The following BARD1 variants were observed in gnomAD, a reference collection of about 807,000 sequenced individuals.
BARD1 encodes the protein BRCA1 associated RING domain 1.
A neutral mutation model predicts 77.0 loss-of-function variants in BARD1; 73 were observed. That is an observed-to-expected ratio of 0.95 (90% CI 0.79 to 1.15). The LOEUF (loss-of-function observed/expected upper bound fraction) is 1.15. Among genes scored for constraint, BARD1 ranks in the 50% most tolerant of loss-of-function variants. The pLI is 0.00. For synonymous variants in BARD1, 384 were observed against 338.0 expected, an observed-to-expected ratio of 1.14 and a Z score of -1.49; for missense variants, 993 against 938.8, an observed-to-expected ratio of 1.06 and a Z score of -0.75.
intron 2 of BARD1, among the ~76,000 whole-genome samples, chr2:214,794,784 AG>A (rs1283476185): frequency 7.2e-5 from 11 of 152,238 alleles, no homozygotes; most frequent in Non-Finnish European, 1.2e-4. Context: ...ATTGCTGAGC[AG>A]TTTTAACTCA....
At chr2:214,729,058 C>CA in intron 10 of BARD1, 50 bp from the exon 11 acceptor site, 1 of 1,535,300 alleles carries the variant, frequency 6.5e-7, no homozygotes, top group South Asian at 1.1e-5. Context: ...ATACTGTATT[C>CA]AAAAACACTG....
At chr2:214,741,186 C>A (rs1308080962) in intron 9 of BARD1, among the ~76,000 whole-genome samples, 1 of 152,066 alleles carries the variant, frequency 6.6e-6, no homozygotes, top group Non-Finnish European at 1.5e-5. Flanking sequence ...TGGCACATTC[C>A]TTCAGTAATT....
chr2:214,745,830 C>A lies in BARD1; in HGVS notation c.1702G>T (p.Gly568Ter). The change falls in exon 8 of 11, where the codon GGA becomes TGA. Residue 568 changes from glycine to a stop codon, truncating the protein, a stop_gained. Transcript: ENST00000260947. LOFTEE classifies it high-confidence loss of function. ...SVMNTGQRRD[G>*]PLVLIGSGLS... The stretch of plus-strand genomic sequence containing the variant: ...CCACTGCCTATAAGTACAAGAGGTC[C>A]ATCCCTACGCTGCCCAGTGTTCATC... 6.2e-7 allele frequency: 1 copy of A among 1,614,032 alleles called. No individual in the cohort carries two copies. Among genetic ancestry groups the A allele is most frequent in the Non-Finnish European group, 8.5e-7 (1 of 1,179,976 alleles).
At chr2:214,788,642 C>G (rs1393637200) in intron 3 of BARD1, among the ~76,000 whole-genome samples, 1 of 152,006 alleles carries the variant, frequency 6.6e-6, no homozygotes, top group Non-Finnish European at 1.5e-5. Context: ...GTTCACCATT[C>G]CACTTAATTC....
chr2:214,769,322 TG>T lies in BARD1; in HGVS notation c.1315-11del, dbSNP rs1064795946. On this transcript the variant is annotated splice_polypyrimidine_tract_variant and intron_variant, in intron 4 of 10. Transcript: ENST00000260947. ...CAGAAGGTATGTCGCCCTAGAAAAA[TG>T]AACAAAACGGAAATTAAAAAGCATT... The T allele has an allele frequency of 8.1e-6, 13 of 1,603,388 alleles. No homozygotes were observed. Among genetic ancestry groups the T allele is most frequent in the Middle Eastern group, 1.6e-4 (1 of 6,070 alleles).
rs1693500175 is a variant in BARD1 at position 214,752,470 on chromosome 2, A to G, written c.1654T>C (p.Ser552Pro). ...ACTACTGAGCAGTGGCTAGCTGAGG[A>G]TGATTCATTCTTCTCTGGTAGCAGC... is the stretch of plus-strand genomic sequence containing the variant. ...LLLLPEKNES[S>P]SASHCSVMNT... The change falls in exon 7 of 11, where the codon TCC becomes CCC. Residue 552 changes from serine (S) to proline (P), a missense_variant. Ser to Pro is a moderately conservative substitution (Grantham distance 74). Transcript: ENST00000260947. 6.2e-7 allele frequency: 1 copy of G among 1,613,226 alleles called. No homozygotes were observed. The highest frequency in any genetic ancestry group is 8.5e-7 in the Non-Finnish European group (1 of 1,179,306).
chr2:214,744,106 A>C (rs752775347), intron 9 of BARD1, among the ~76,000 whole-genome samples: 1 of 152,210 alleles, frequency 6.6e-6, no homozygotes, highest in African/African-American at 2.4e-5. Context: ...AGTAGAAAAT[A>C]ATCGTGTATG....
intron 9 of BARD1, among the ~76,000 whole-genome samples, chr2:214,735,112 A>G (rs1303064802): frequency 6.6e-6 from 1 of 152,202 alleles, no homozygotes; most frequent in Non-Finnish European, 1.5e-5. Context: ...GATTAAACTT[A>G]GGGCCAGCAG....
intron 5 of BARD1, among the ~76,000 whole-genome samples, chr2:214,768,084 T>C (rs6715891): frequency 0.37 from 56,502 of 152,050 alleles, 10,630 homozygotes; most frequent in Middle Eastern, 0.44. Flanking sequence ...GCTTTTAAGA[T>C]AAGCTATTTG....
intron 4 of BARD1, among the ~76,000 whole-genome samples, chr2:214,779,283 C>CA (rs1366778362): frequency 6.6e-6 from 1 of 152,130 alleles, no homozygotes; most frequent in Non-Finnish European, 1.5e-5. Flanking sequence ...GATGTATTTG[C>CA]AAATAACCTA....
Position 214,726,184 on chromosome 2 carries a change from T to A in BARD1, c.*2492A>T, listed in dbSNP as rs1290696756. ...CCTTATTTCAATCATAATGCTAATA[T>A]ACTTCCCATCTGGTTTCTATTTTTC... On this transcript the variant is annotated 3_prime_UTR_variant, in exon 11 of 11. Coordinates refer to ENST00000260947, the MANE Select transcript of BARD1 (RefSeq NM_000465.4). 1.4e-5 allele frequency: 3 copies of A among 212,992 alleles called. No individual in the cohort carries two copies. The highest frequency in any genetic ancestry group is 2.8e-5 in the Non-Finnish European group (3 of 105,436). The allele number at this position is 212,992 out of a possible 1,614,324, so 13.2% of individuals were successfully genotyped here.
chr2:214,748,192 A>T (rs1366151559), intron 7 of BARD1, among the ~76,000 whole-genome samples: 3 of 152,186 alleles, frequency 2.0e-5, no homozygotes, highest in African/African-American at 7.2e-5. Flanking sequence ...ACTTTTAAAA[A>T]TTTGCATAAA....
chr2:214,748,242 C>T (rs1398307288), intron 7 of BARD1, among the ~76,000 whole-genome samples: 1 of 152,058 alleles, frequency 6.6e-6, no homozygotes, highest in East Asian at 1.9e-4. Flanking sequence ...TTAAAGAGTG[C>T]TATAATAAAA....
intron 1 of BARD1, among the ~76,000 whole-genome samples, chr2:214,808,287 C>T (rs936124455): frequency 1.3e-5 from 2 of 152,140 alleles, no homozygotes; most frequent in Admixed American, 6.5e-5. Context: ...CGGGCGCCTG[C>T]AGTCCCAGCT....
In BARD1 at chr2:214,769,239, G is replaced by A. The variant is rs957472472; in HGVS notation, c.1388C>T (p.Thr463Ile). Residue 463 changes from threonine (T) to isoleucine (I), a missense_variant, in exon 5 of 11, where the codon ACA (threonine) becomes ATA (isoleucine). By Grantham distance (89) the Thr-to-Ile change is moderately conservative (BLOSUM62 -1). Coordinates refer to ENST00000260947, the MANE Select transcript of BARD1 (RefSeq NM_000465.4). ...TAAAAACCAGACAACTACCAATGGT[G>A]TCCATCCAGCATGGTCTTTAACATT... ...DPNVKDHAGWTPLHEACNHGH... is the reference protein window; with the variant it reads ...DPNVKDHAGWIPLHEACNHGH... 13 of 1,611,062 alleles carry A rather than the reference G, an allele frequency of 8.1e-6. No individual in the cohort carries two copies. The highest frequency in any genetic ancestry group is 1.0e-5 in the Non-Finnish European group (12 of 1,177,270).
chr2:214,806,889 A>AC (rs1248424628), intron 1 of BARD1, among the ~76,000 whole-genome samples: 5 of 151,348 alleles, frequency 3.3e-5, no homozygotes, highest in African/African-American at 1.2e-4. Flanking sequence ...AAAAAAAAAA[A>AC]AAAGGCACCC....
chr2:214,751,101 GTGTGTGTGTGTGTGTGTATA>G lies in BARD1; in HGVS notation c.1677+1326_1677+1345del, dbSNP rs1244505471. On this transcript the variant is annotated intron_variant, in intron 7 of 10. Transcript: ENST00000260947. ...ATTCTGTGTGTGTGTGTGTGTGTGT[GTGTGTGTGTGTGTGTGTATA>G]TATATATATATATATATATATATAT... is the stretch of plus-strand genomic sequence containing the variant. 3.1e-3 allele frequency among the ~76,000 whole-genome samples: 180 copies of G among 57,734 alleles called. 16 individuals carry two copies. Among genetic ancestry groups the G allele is most frequent in the African/African-American group, 0.011 (157 of 13,850 alleles). 37.9% of individuals were successfully genotyped at this position (57,734 alleles called of 152,430 possible).
At chr2:214,804,639 G>C (rs137890437) in intron 1 of BARD1, among the ~76,000 whole-genome samples, 69 of 152,260 alleles carry the variant, frequency 4.5e-4, no homozygotes, top group African/African-American at 1.6e-3. Context: ...TCATTTTATA[G>C]ATGAGGAACC....
In BARD1 at chr2:214,726,754, C is replaced by T. The variant is rs1339559404; in HGVS notation, c.*1922G>A. On this transcript the variant is annotated 3_prime_UTR_variant, in exon 11 of 11. Transcript: ENST00000260947. ...AAAGTACAATCACAAGTTTCAAGAG[C>T]TTAACACAAACTAACTGCTGTCAAA... 4.4e-6 allele frequency: 1 copy of T among 227,042 alleles called. No homozygotes were observed. The highest frequency in any genetic ancestry group is 2.2e-5 in the African/African-American group (1 of 45,014). 14.1% of individuals were successfully genotyped at this position (227,042 alleles called of 1,614,324 possible).
Sources: allele counts gnomAD v4.1 joint callset (sites outside exome capture counted in the v4.1 genomes callset), GRCh38; gene constraint gnomAD v4.1.1; transcripts MANE v1.5; gene names NCBI Gene and HGNC (gene_info 2026-07-23, HGNC 2026-07-21).